ZNF547: variants seen among roughly 807,000 people sequenced by gnomAD.
The protein encoded by ZNF547 is zinc finger protein 547.
Under a neutral mutation model 7.7 loss-of-function variants are expected in ZNF547, and 4 were observed. The observed-to-expected ratio is 0.52, with a 90% CI of 0.26 to 1.20. The LOEUF is 1.20. Among genes scored for constraint, ZNF547 ranks in the 50% most tolerant of loss-of-function variants. The pLI, the probability that ZNF547 is intolerant of heterozygous loss-of-function variation, is 0.14. For synonymous variants in ZNF547, 166 were observed against 166.2 expected, an observed-to-expected ratio of 1.00 and a Z score of 0.01; for missense variants, 449 against 485.8, an observed-to-expected ratio of 0.92 and a Z score of 0.71.
At chr19:57,364,998 G>T (rs16987908) in intron 1 of ZNF547, 1 of 1,612,700 alleles carries the variant, frequency 6.2e-7, no homozygotes, top group African/African-American at 1.3e-5. Flanking sequence ...ACATGTGGCT[G>T]TCGAACAACA....
chr19:57,377,920 A>C lies in ZNF547; in HGVS notation c.944A>C (p.Gln315Pro), dbSNP rs746920819. ...FMERSTLSRH[Q>P]RVHTGERPYE... ...GAAAGGTCTACACTCAGTAGACATC[A>C]GAGAGTTCACACTGGAGAAAGGCCT... Residue 315 changes from glutamine (Q) to proline (P), a missense_variant, in exon 4 of 4, where the codon CAG becomes CCG. By Grantham distance (76) the Gln-to-Pro change is moderately conservative (BLOSUM62 -1). Transcript: ENST00000282282. 1 of 1,614,036 alleles carries C rather than the reference A, an allele frequency of 6.2e-7. No individual in the cohort carries two copies. The highest frequency in any genetic ancestry group is 1.1e-5 in the South Asian group (1 of 90,936).
At chr19:57,371,987 C>G (rs2123017885) in intron 3 of ZNF547, 79 bp downstream of exon 3, 1 of 1,485,038 alleles carries the variant, frequency 6.7e-7, no homozygotes, top group East Asian at 2.3e-5. Context: ...CTGCGTTTCC[C>G]ACAGTGAGAC....
At chr19:57,371,223 A>T (rs1458233233) in intron 2 of ZNF547, 1 of 152,806 alleles carries the variant, frequency 6.5e-6, no homozygotes, top group Non-Finnish European at 1.5e-5. Context: ...AAGTGCTGGG[A>T]TTATAGGCAT....
chr19:57,379,520 A>C lies in ZNF547; in HGVS notation c.*1335A>C, dbSNP rs1189371247. The C allele has an allele frequency of 1.3e-5, 2 of 152,258 alleles. No individual in the cohort carries two copies. Among genetic ancestry groups the C allele is most frequent in the Non-Finnish European group, 2.9e-5 (2 of 68,048 alleles). 9.4% of individuals were successfully genotyped at this position (152,258 alleles called of 1,614,324 possible). ...TTCCCAGTGTTTACAACCAGGAAAT[A>C]GCTTGTCATCTTTGATACAAAACAG... On this transcript the variant is annotated 3_prime_UTR_variant, in exon 4 of 4. Transcript: ENST00000282282.
chr19:57,378,485 T>C lies in ZNF547; in HGVS notation c.*300T>C, dbSNP rs1018039390. 13 of 537,190 alleles carry C rather than the reference T, an allele frequency of 2.4e-5. No individual in the cohort carries two copies. In the Middle Eastern group the frequency reaches 8.6e-4, roughly 36 times the overall value. 33.3% of individuals were successfully genotyped at this position (537,190 alleles called of 1,614,324 possible). ...GATTCAACATGCAAGATTGTACTTA[T>C]TGGGCTTCAGAATATCCACACTAGT... is the stretch of plus-strand genomic sequence containing the variant. On this transcript the variant is annotated 3_prime_UTR_variant, in exon 4 of 4. Transcript: ENST00000282282.
chr19:57,364,461 G>GTA, intron 1 of ZNF547: 1 of 248,598 alleles, frequency 4.0e-6, no homozygotes, highest in South Asian at 5.3e-5. Flanking sequence ...AATAGAGGGT[G>GTA]GCCGGGCGTG....
At chr19:57,368,882 T>TTTCAG (rs1219608796) in intron 2 of ZNF547, among the ~76,000 whole-genome samples, 1 of 152,210 alleles carries the variant, frequency 6.6e-6, no homozygotes, top group African/African-American at 2.4e-5. Context: ...ATTAAGAATG[T>TTTCAG]TTCAGTGTTT....
chr19:57,374,909 C>T (rs921233062), intron 3 of ZNF547, among the ~76,000 whole-genome samples: 2 of 152,110 alleles, frequency 1.3e-5, no homozygotes, highest in South Asian at 2.1e-4. Context: ...TCCCACATTT[C>T]CTGTCTTCTG....
At chr19:57,366,942 G>C (rs539555643) in intron 1 of ZNF547, among the ~76,000 whole-genome samples, 2 of 152,316 alleles carry the variant, frequency 1.3e-5, no homozygotes, top group African/African-American at 4.8e-5. Context: ...TCTGCCAGAG[G>C]CTAGGAATAG....
chr19:57,375,480 C>T (rs146542024), intron 3 of ZNF547, among the ~76,000 whole-genome samples: 5 of 151,646 alleles, frequency 3.3e-5, no homozygotes, highest in East Asian at 3.9e-4. Context: ...GGCGAAACCC[C>T]GTCTCTACTA....
At chr19:57,365,143 G>A (rs772245201) in intron 1 of ZNF547, 3 of 1,600,866 alleles carry the variant, frequency 1.9e-6, no homozygotes, top group South Asian at 1.1e-5. Flanking sequence ...TGATGTTTAT[G>A]ATTTATATAT....
At chr19:57,367,493 A>C (rs1317715533) in intron 1 of ZNF547, among the ~76,000 whole-genome samples, 1 of 151,052 alleles carries the variant, frequency 6.6e-6, no homozygotes, top group Non-Finnish European at 1.5e-5. Flanking sequence ...CCAATTTGGT[A>C]GGGAAGTCTA....
intron 1 of ZNF547, among the ~76,000 whole-genome samples, chr19:57,366,827 A>C (rs2088473898): frequency 6.6e-6 from 1 of 152,234 alleles, no homozygotes; most frequent in Admixed American, 6.5e-5. Flanking sequence ...ACATACGTGG[A>C]CGTTATGCAT....
At position 57,378,852 on chromosome 19, in the gene ZNF547, TC is replaced by T. The variant is rs1432653328; in HGVS notation, c.*670del. Reference sequence around the variant, plus strand: ...AACCACCATTAAAAAAACAACTCATTCCCACATTCTTCAGTCCCTGGCGACC... The same window carrying T: ...AACCACCATTAAAAAAACAACTCATTCCACATTCTTCAGTCCCTGGCGACC... On this transcript the variant is annotated 3_prime_UTR_variant, in exon 4 of 4. Transcript: ENST00000282282. The T allele has an allele frequency of 1.4e-5, 5 of 366,584 alleles. No individual in the cohort carries two copies. The highest frequency in any genetic ancestry group is 1.1e-4 in the African/African-American group (5 of 45,768). The allele number at this position is 366,584 out of a possible 1,614,324, so 22.7% of individuals were successfully genotyped here.
rs757410218 is a variant in ZNF547 at position 57,378,918 on chromosome 19, T to C, written c.*733T>C. 43 of 204,500 alleles carry C rather than the reference T, an allele frequency of 2.1e-4. No individual in the cohort carries two copies. The Middle Eastern group carries it at 3.5e-3, about 16-fold the overall frequency. The allele number at this position is 204,500 out of a possible 1,614,324, so 12.7% of individuals were successfully genotyped here. A position where few individuals can be genotyped will look rare whatever the true frequency, so the allele number is the denominator to read the frequency against. On this transcript the variant is annotated 3_prime_UTR_variant, in exon 4 of 4. Transcript: ENST00000282282. ...TCATTATGACTCTGACTATTCTTGG[T>C]ACTTCTCAGAAGAAGAATCTTAGAG...
At position 57,378,064 on chromosome 19, in the gene ZNF547, C is replaced by A; in HGVS notation, c.1088C>A (p.Thr363Lys). ...ECSECGKAFL[T>K]KSHLICHQTV... ...AGTGAGTGTGGGAAGGCCTTCCTTACAAAGTCCCACCTCATTTGTCATCAG... is the reference window on the plus strand; with the variant it reads ...AGTGAGTGTGGGAAGGCCTTCCTTAAAAAGTCCCACCTCATTTGTCATCAG... Residue 363 changes from threonine to lysine, a missense_variant, in exon 4 of 4, where the codon ACA (threonine) becomes AAA (lysine). Thr to Lys is a moderately conservative substitution (Grantham distance 78, BLOSUM62 -1). Coordinates refer to ENST00000282282, the MANE Select transcript of ZNF547 (RefSeq NM_173631.4). 17 of 1,614,178 alleles carry A rather than the reference C, an allele frequency of 1.1e-5. No homozygotes were observed. Among genetic ancestry groups the A allele is most frequent in the Non-Finnish European group, 1.4e-5 (17 of 1,180,032 alleles).
intron 3 of ZNF547, among the ~76,000 whole-genome samples, chr19:57,375,616 C>G (rs1288536593): frequency 1.5e-5 from 2 of 136,188 alleles, no homozygotes; most frequent in East Asian, 4.6e-4. Flanking sequence ...GAGCTGAGAT[C>G]AAGCCACTGC....
At position 57,377,304 on chromosome 19, in the gene ZNF547, C is replaced by G; in HGVS notation, c.328C>G (p.Pro110Ala). ...TCTGGCTGAGCATGACGGAACACAC[C>G]CCGAGCAGGGACTGTACACGTGTCC... ...LRLAEHDGTH[P>A]EQGLYTCPAH... The change falls in exon 4 of 4, where the codon CCC (proline) becomes GCC (alanine). Residue 110 changes from proline (P) to alanine (A), a missense_variant. Transcript: ENST00000282282. The G allele has an allele frequency of 6.2e-7, 1 of 1,614,144 alleles. No individual in the cohort carries two copies. Among genetic ancestry groups the G allele is most frequent in the Non-Finnish European group, 8.5e-7 (1 of 1,180,040 alleles).
intron 1 of ZNF547, 30 bp downstream of exon 1, chr19:57,363,733 C>T (rs2088440494): frequency 1.3e-5 from 2 of 148,596 alleles, no homozygotes; most frequent in African/African-American, 5.0e-5. Context: ...CCCCCCCCCA[C>T]CTCCGCCCGA....
Sources: allele counts gnomAD v4.1 joint callset (sites outside exome capture counted in the v4.1 genomes callset), GRCh38; gene constraint gnomAD v4.1.1; transcripts MANE v1.5; gene names NCBI Gene and HGNC (gene_info 2026-07-23, HGNC 2026-07-21).